AFF3: variants seen among roughly 807,000 people sequenced by gnomAD.
The protein encoded by AFF3 is ALF transcription elongation factor 3.
Under a neutral mutation model 129.7 loss-of-function variants are expected in AFF3, and 32 were observed. The ratio of observed to expected loss-of-function variants is 0.25; its 90% confidence interval spans 0.19 to 0.33. The LOEUF (loss-of-function observed/expected upper bound fraction) is 0.33, where lower values mean the gene tolerates loss of function less well. Among genes scored for constraint, AFF3 ranks in the 10% least tolerant of loss-of-function variants. AFF3 has a pLI of 1.00. For synonymous variants in AFF3, 644 were observed against 635.4 expected (o/e 1.01, Z -0.20); for missense variants, 1,373 against 1,592.0 (o/e 0.86, Z 2.34).
chr2:99,966,769 A>ATATTATTTT (rs1360106390), intron 7 of AFF3, among the ~76,000 whole-genome samples: 1 of 150,052 alleles, frequency 6.7e-6, no homozygotes, highest in African/African-American at 2.4e-5. Flanking sequence ...TTCAATAGAG[A>ATATTATTTT]TATTATTTTT....
At chr2:99,632,820 G>A (rs1229729238) in intron 13 of AFF3, among the ~76,000 whole-genome samples, 3 of 152,138 alleles carry the variant, frequency 2.0e-5, no homozygotes, top group African/African-American at 4.8e-5. Context: ...TGATTGTAAT[G>A]GTCACTTCAG....
chr2:99,891,131 G>C (rs928970267), intron 7 of AFF3, among the ~76,000 whole-genome samples: 3 of 152,102 alleles, frequency 2.0e-5, no homozygotes, highest in Non-Finnish European at 4.4e-5. Context: ...GGGAGGGAAC[G>C]GACAAGGATT....
chr2:99,973,262 G>A (rs1211240446), intron 7 of AFF3, among the ~76,000 whole-genome samples: 1 of 152,146 alleles, frequency 6.6e-6, no homozygotes, highest in African/African-American at 2.4e-5. Flanking sequence ...AGGCACAGAT[G>A]CAGCTAAAAA....
At chr2:99,693,372 A>G (rs1290560557) in intron 11 of AFF3, among the ~76,000 whole-genome samples, 1 of 152,148 alleles carries the variant, frequency 6.6e-6, no homozygotes, top group Non-Finnish European at 1.5e-5. Context: ...CTACTCTTGG[A>G]TACTGCAAAA....
chr2:99,863,484 TA>T (rs942500599), intron 7 of AFF3, among the ~76,000 whole-genome samples: 2 of 152,172 alleles, frequency 1.3e-5, no homozygotes, highest in Non-Finnish European at 2.9e-5. Context: ...AGCCACTATA[TA>T]AAGTATCTTA....
chr2:100,049,089 A>G (rs1252662647), intron 4 of AFF3, among the ~76,000 whole-genome samples: 1 of 152,210 alleles, frequency 6.6e-6, no homozygotes, highest in Non-Finnish European at 1.5e-5. Context: ...GCGAAAGACT[A>G]CGGGGAATGG....
chr2:99,644,971 G>C (rs1201173822), intron 13 of AFF3, among the ~76,000 whole-genome samples: 1 of 152,186 alleles, frequency 6.6e-6, no homozygotes, highest in Non-Finnish European at 1.5e-5. Flanking sequence ...AATAAGCAGT[G>C]AATAAGTGAG....
In AFF3 at chr2:99,593,802, A is replaced by C. The variant is rs1166693726; in HGVS notation, c.1859T>G (p.Val620Gly). The C allele has an allele frequency of 6.2e-7, 1 of 1,609,010 alleles. No individual in the cohort carries two copies. The highest frequency in any genetic ancestry group is 8.5e-7 in the Non-Finnish European group (1 of 1,179,142). The part of the protein sequence containing the change: ...AADALGTSVV[V>G]PPEPTKTRPC... ...CCTGGTTTTGGTGGGCTCCGGGGGG[A>C]CCACCACGCTCGTCCCCAGCGCGTC... The change falls in exon 15 of 25, where the codon GTC becomes GGC. Residue 620 changes from valine to glycine, a missense_variant. Coordinates refer to ENST00000672756, the MANE Select transcript of AFF3 (RefSeq NM_001386135.1).
chr2:99,854,992 C>T (rs1000268541), intron 7 of AFF3, among the ~76,000 whole-genome samples: 8 of 152,052 alleles, frequency 5.3e-5, no homozygotes, highest in Non-Finnish European at 1.0e-4. Flanking sequence ...ATAATTAAAT[C>T]GTCCCAAACT....
intron 13 of AFF3, among the ~76,000 whole-genome samples, chr2:99,634,815 T>C (rs1683466528): frequency 6.6e-6 from 1 of 151,928 alleles, no homozygotes; most frequent in Admixed American, 6.6e-5. Flanking sequence ...CTTCCTTGGA[T>C]AGAACAGAAC....
At chr2:99,744,066 G>C in intron 10 of AFF3, 38 bp downstream of exon 10, 1 of 1,552,416 alleles carries the variant, frequency 6.4e-7, no homozygotes. Context: ...CCCACCCCCT[G>C]CTCCCCAGAT....
chr2:99,972,399 C>T (rs895783881), intron 7 of AFF3, among the ~76,000 whole-genome samples: 2 of 152,242 alleles, frequency 1.3e-5, no homozygotes, highest in African/African-American at 4.8e-5. Flanking sequence ...GCAAGTCCTT[C>T]TTCCCTCCCT....
chr2:99,965,358 C>T (rs1677643677), intron 7 of AFF3, among the ~76,000 whole-genome samples: 1 of 152,206 alleles, frequency 6.6e-6, no homozygotes. Flanking sequence ...TACTAATACC[C>T]TGTTGGTAAG....
At chr2:100,118,454 A>C (rs540529910) in intron 2 of AFF3, among the ~76,000 whole-genome samples, 2 of 152,336 alleles carry the variant, frequency 1.3e-5, no homozygotes, top group Admixed American at 1.3e-4. Flanking sequence ...TGATGGTTAT[A>C]GCTCCATTGT....
intron 11 of AFF3, among the ~76,000 whole-genome samples, chr2:99,716,586 A>G (rs1678407588): frequency 6.6e-6 from 1 of 151,644 alleles, no homozygotes; most frequent in Admixed American, 6.6e-5. Flanking sequence ...ACATAACTAT[A>G]TATATATATA....
chr2:100,073,681 T>C (rs1449792971), intron 4 of AFF3, among the ~76,000 whole-genome samples: 1 of 152,196 alleles, frequency 6.6e-6, no homozygotes, highest in African/African-American at 2.4e-5. Context: ...AAAGGCAAGT[T>C]CATATATCAT....
At chr2:99,927,003 C>T (rs188765937) in intron 7 of AFF3, among the ~76,000 whole-genome samples, 19 of 152,244 alleles carry the variant, frequency 1.2e-4, no homozygotes, top group Admixed American at 9.2e-4. Context: ...CCAGCAATCT[C>T]ACACAGGCTC....
chr2:99,870,635 C>T (rs1013046345), intron 7 of AFF3, among the ~76,000 whole-genome samples: 1 of 152,214 alleles, frequency 6.6e-6, no homozygotes, highest in South Asian at 2.1e-4. Flanking sequence ...GGCCAGCAGG[C>T]CCCCTGGCAG....
At chr2:99,820,457 GGTGAGTCA>G (rs1351604498) in intron 8 of AFF3, among the ~76,000 whole-genome samples, 1 of 151,988 alleles carries the variant, frequency 6.6e-6, no homozygotes, top group African/African-American at 2.4e-5. Flanking sequence ...AGGTGCTCTG[GGTGAGTCA>G]GTGAGTGAGT....
Sources: gnomAD v4.1 joint callset for allele counts (sites outside exome capture counted in the v4.1 genomes callset) on GRCh38, gnomAD v4.1.1 for gene constraint, MANE v1.5 for transcripts, NCBI Gene and HGNC (gene_info 2026-07-23, HGNC 2026-07-21) for gene names.